Variants in GASK1B observed in about 807,000 individuals in gnomAD.
The protein encoded by GASK1B is golgi associated kinase 1B, also known as Golgi-associated kinase 1B.
In GASK1B, 34 loss-of-function variants were observed where a neutral mutation model predicts 42.8. The observed-to-expected ratio is 0.79, with a 90% confidence interval of 0.60 to 1.06. GASK1B has a LOEUF of 1.06. Among genes scored for constraint, GASK1B ranks in the 50% least tolerant of loss-of-function variants. GASK1B has a pLI of 0.00. For missense variants in GASK1B, 686 were observed against 661.0 expected, an observed-to-expected ratio of 1.04 and a Z score of -0.42; for synonymous variants, 262 against 259.1, an observed-to-expected ratio of 1.01 and a Z score of -0.11.
chr4:158,158,522 C>G (rs1476621604), intron 2 of GASK1B, among the ~76,000 whole-genome samples: 1 of 151,984 alleles, frequency 6.6e-6, no homozygotes, highest in African/African-American at 2.4e-5. Flanking sequence ...TAGAGTTTGT[C>G]ATAATTATTT....
chr4:158,130,831 C>T lies in GASK1B; in HGVS notation c.1307G>A (p.Arg436Lys), dbSNP rs1399319937. The part of the protein sequence containing the change: ...VFIDNKGFFD[R>K]SEDNLNFKLL... ...TTTGAAGTTTAAGTTATCTTCACTCCTGTCAAAGAAACCCTTGTTGTCTAT... is the reference window on the plus strand; with the variant it reads ...TTTGAAGTTTAAGTTATCTTCACTCTTGTCAAAGAAACCCTTGTTGTCTAT... Residue 436 changes from arginine (R) to lysine (K), a missense_variant, in exon 4 of 5, where the codon AGG (arginine) becomes AAG (lysine). Arg to Lys is a conservative substitution (Grantham distance 26). Transcript: ENST00000585682. 1 of 1,613,586 alleles carries T rather than the reference C, an allele frequency of 6.2e-7. No individual in the cohort carries two copies. The highest frequency in any genetic ancestry group is 8.5e-7 in the Non-Finnish European group (1 of 1,179,938).
chr4:158,145,877 A>T (rs1036751659), intron 3 of GASK1B, among the ~76,000 whole-genome samples: 5 of 152,216 alleles, frequency 3.3e-5, no homozygotes, highest in African/African-American at 1.2e-4. Flanking sequence ...CTCCCAAGAC[A>T]TATCTTTGTT....
At chr4:158,129,824 A>G (rs1730608615) in intron 4 of GASK1B, among the ~76,000 whole-genome samples, 1 of 152,146 alleles carries the variant, frequency 6.6e-6, no homozygotes. Context: ...CTCTTAGTCA[A>G]TCTGATTTCT....
At chr4:158,134,449 C>T (rs1017023270) in intron 3 of GASK1B, among the ~76,000 whole-genome samples, 3 of 152,168 alleles carry the variant, frequency 2.0e-5, no homozygotes, top group Non-Finnish European at 4.4e-5. Flanking sequence ...ATTTTGTCAG[C>T]TAAGCAATAA....
chr4:158,130,757 T>G (rs766874643), intron 4 of GASK1B, 29 bp downstream of exon 4: 2 of 1,500,250 alleles, frequency 1.3e-6, no homozygotes, highest in Non-Finnish European at 1.9e-6. Context: ...ATAAATGTGA[T>G]GTCCTGCAGA....
At chr4:158,148,467 T>C (rs1382474566) in intron 3 of GASK1B, among the ~76,000 whole-genome samples, 1 of 152,174 alleles carries the variant, frequency 6.6e-6, no homozygotes, top group Non-Finnish European at 1.5e-5. Context: ...AAATATTGAA[T>C]GAACAAAATA....
chr4:158,127,234 A>C lies in GASK1B; in HGVS notation c.*173T>G. 1 of 466,066 alleles carries C rather than the reference A, an allele frequency of 2.1e-6. No homozygotes were observed. Among genetic ancestry groups the C allele is most frequent in the Non-Finnish European group, 3.8e-6 (1 of 264,846 alleles). 28.9% of individuals were successfully genotyped at this position (466,066 alleles called of 1,614,324 possible). A position where few individuals can be genotyped will look rare whatever the true frequency, so the allele number is the denominator to read the frequency against. ...GTAGTTTGTTTTTCAAAACCTTTTT[A>C]AGTATGCATACAGTGCTAAGTCCCA... On this transcript the variant is annotated 3_prime_UTR_variant, in exon 5 of 5. Coordinates refer to ENST00000585682, the MANE Select transcript of GASK1B (RefSeq NM_001128424.2).
chr4:158,160,315 T>C (rs1272668040), intron 2 of GASK1B, among the ~76,000 whole-genome samples: 1 of 152,128 alleles, frequency 6.6e-6, no homozygotes, highest in Non-Finnish European at 1.5e-5. Flanking sequence ...TAGGAGTCTG[T>C]AGATTACATA....
chr4:158,152,678 A>G (rs1731603865), intron 3 of GASK1B, among the ~76,000 whole-genome samples: 1 of 152,222 alleles, frequency 6.6e-6, no homozygotes, highest in Non-Finnish European at 1.5e-5. Flanking sequence ...CCAGGGATAC[A>G]AGGATGGTTT....
At chr4:158,172,160 CTCTCTCTCTCTT>C (rs1342153954) in intron 1 of GASK1B, 7 of 152,056 alleles carry the variant, frequency 4.6e-5, no homozygotes, top group African/African-American at 1.7e-4. Flanking sequence ...CTGTTTCTCT[CTCTCTCTCTCTT>C]TCTCTCTCTC....
At chr4:158,132,177 G>A (rs868362660) in intron 3 of GASK1B, among the ~76,000 whole-genome samples, 4 of 142,806 alleles carry the variant, frequency 2.8e-5, no homozygotes, top group South Asian at 2.2e-4. Context: ...AAAATTCCAC[G>A]ATTTTTTTCC....
Position 158,141,597 on chromosome 4 carries a change from CTTT to C in GASK1B, c.1126-10588_1126-10586del, listed in dbSNP as rs199530247. On this transcript the variant is annotated intron_variant, in intron 3 of 4. Transcript: ENST00000585682. ...CATAGGTCAGTGCCTTTGTATTTAC[CTTT>C]TTTTTTTTTTTTTTTTTTTTTTTTG... Among the ~76,000 whole-genome samples the C allele has an allele frequency of 4.4e-3, 497 of 113,648 alleles. 87 individuals are homozygous for C. Among genetic ancestry groups the C allele is most frequent in the African/African-American group, 8.0e-3 (231 of 28,910 alleles). The allele number at this position is 113,648 out of a possible 152,430, so 74.6% of individuals were successfully genotyped here.
chr4:158,129,543 G>A (rs2110923430), intron 4 of GASK1B, among the ~76,000 whole-genome samples: 1 of 152,204 alleles, frequency 6.6e-6, no homozygotes, highest in South Asian at 2.1e-4. Flanking sequence ...TCCACACCAT[G>A]TAAGTAATAG....
At chr4:158,150,649 A>T (rs4691464) in intron 3 of GASK1B, among the ~76,000 whole-genome samples, 134,470 of 152,252 alleles carry the variant, frequency 0.88, 60,535 homozygotes, top group East Asian at 0.98. Flanking sequence ...AACTTCTCTG[A>T]GCTTCAGTCC....
chr4:158,137,721 C>T (rs1191734058), intron 3 of GASK1B, among the ~76,000 whole-genome samples: 1 of 151,994 alleles, frequency 6.6e-6, no homozygotes, highest in African/African-American at 2.4e-5. Flanking sequence ...CAGTATTCCC[C>T]CCTGCTCCAC....
intron 3 of GASK1B, among the ~76,000 whole-genome samples, chr4:158,148,716 C>T (rs1731426450): frequency 6.6e-6 from 1 of 152,116 alleles, no homozygotes; most frequent in Admixed American, 6.5e-5. Flanking sequence ...AAGGCCCTCC[C>T]ACCCCAGGCA....
chr4:158,149,452 GA>G (rs1402883707), intron 3 of GASK1B, among the ~76,000 whole-genome samples: 1 of 152,100 alleles, frequency 6.6e-6, no homozygotes, highest in African/African-American at 2.4e-5. Flanking sequence ...GACAGGTTCA[GA>G]ATTAAAATAC....
At chr4:158,130,705 T>C (rs571302806) in intron 4 of GASK1B, 81 bp downstream of exon 4, 20 of 1,021,082 alleles carry the variant, frequency 2.0e-5, no homozygotes, top group African/African-American at 1.3e-4. Flanking sequence ...AATGATCAGA[T>C]GTAAGATGTG....
At chr4:158,149,947 C>T (rs1158177440) in intron 3 of GASK1B, among the ~76,000 whole-genome samples, 21 of 2,002 alleles carry the variant, frequency 0.01, no homozygotes, top group East Asian at 0.091. Context: ...TTTTTTGAGA[C>T]GGAGTCTCAC....
Sources: gnomAD v4.1 joint callset for allele counts (sites outside exome capture counted in the v4.1 genomes callset) on GRCh38, gnomAD v4.1.1 for gene constraint, MANE v1.5 for transcripts, NCBI Gene and HGNC (gene_info 2026-07-23, HGNC 2026-07-21) for gene names.